The following CEP250 variants were observed in gnomAD, a reference collection of about 807,000 sequenced individuals.
CEP250 encodes centrosome-associated protein CEP250.
A neutral mutation model predicts 315.7 loss-of-function variants in CEP250; 242 were observed. That is an observed-to-expected ratio of 0.77 (90% CI 0.69 to 0.85). The LOEUF is 0.85. Among genes scored for constraint, CEP250 ranks in the 40% least tolerant of loss-of-function variants. CEP250 has a pLI of 0.00. For missense variants in CEP250, 2,515 were observed against 2,886.4 expected, an observed-to-expected ratio of 0.87 and a Z score of 2.95; for synonymous variants, 1,088 against 1,175.0, an observed-to-expected ratio of 0.93 and a Z score of 1.51.
intron 30 of CEP250, 77 bp from the exon 31 acceptor site, chr20:35,507,661 C>T (rs2064225245): frequency 4.5e-6 from 5 of 1,102,684 alleles, no homozygotes; most frequent in South Asian, 1.3e-5. Flanking sequence ...CATTGAACCG[C>T]TGTTTGTGTG....
At chr20:35,501,194 G>A (rs570328717) in intron 28 of CEP250, among the ~76,000 whole-genome samples, 9 of 152,196 alleles carry the variant, frequency 5.9e-5, no homozygotes, top group African/African-American at 1.2e-4. Context: ...AGAGTTAGCC[G>A]GGTGTGGTGG....
At position 35,496,829 on chromosome 20, in the gene CEP250, T is replaced by C; in HGVS notation, c.3306+114T>C. 7 of 1,189,410 alleles carry C rather than the reference T, an allele frequency of 5.9e-6. No individual in the cohort carries two copies. In the South Asian group the frequency reaches 1.2e-4, roughly 20 times the overall value. 73.7% of individuals were successfully genotyped at this position (1,189,410 alleles called of 1,614,324 possible). A position where few individuals can be genotyped will look rare whatever the true frequency, so the allele number is the denominator to read the frequency against. On this transcript the variant is annotated intron_variant, in intron 25 of 34. Coordinates refer to ENST00000397527, the MANE Select transcript of CEP250 (RefSeq NM_007186.6). ...AGAGGACCCATCTATTTTTCCTGAT[T>C]ACAGGATAGGCTGGTGCCTCAACAC...
At chr20:35,506,420 A>G (rs894080949) in intron 30 of CEP250, among the ~76,000 whole-genome samples, 1 of 152,140 alleles carries the variant, frequency 6.6e-6, no homozygotes, top group Non-Finnish European at 1.5e-5. Context: ...TGTCTTAGTC[A>G]CCTTTGTACC....
chr20:35,456,990 C>T (rs2062645032), intron 1 of CEP250, among the ~76,000 whole-genome samples: 1 of 152,134 alleles, frequency 6.6e-6, no homozygotes, highest in Non-Finnish European at 1.5e-5. Context: ...CCATGTTGGC[C>T]AAGCTGGTCT....
intron 21 of CEP250, 58 bp downstream of exon 21, chr20:35,490,862 C>A: frequency 6.3e-7 from 1 of 1,576,298 alleles, no homozygotes; most frequent in South Asian, 1.1e-5. Flanking sequence ...TTACCTTGAC[C>A]ACTTCCTTTT....
At chr20:35,494,311 A>G (rs1290102791) in intron 23 of CEP250, 2 of 565,286 alleles carry the variant, frequency 3.5e-6, no homozygotes, top group Admixed American at 3.2e-5. Context: ...TCTATGCAGC[A>G]TATGTGAGGC....
chr20:35,468,678 T>C (rs982787161), intron 9 of CEP250, among the ~76,000 whole-genome samples: 5 of 152,204 alleles, frequency 3.3e-5, no homozygotes, highest in African/African-American at 1.2e-4. Context: ...CAATACATTT[T>C]GTTTCTTTGT....
chr20:35,473,487 T>C lies in CEP250; in HGVS notation c.1323T>C (p.Thr441=), dbSNP rs753680934. The change falls in exon 13 of 35, where the codon ACT becomes ACC. Residue 441 remains threonine (T), a synonymous_variant. Transcript: ENST00000397527. ...TGAGACAGCGGCTGCAGAAGCTCAC[T>C]GGGGAGCGGGACACTCTGGCAGGGC... is the stretch of plus-strand genomic sequence containing the variant. The part of the protein sequence containing the change: ...KALRQRLQKL[T]GERDTLAGQT... 1.8e-5 allele frequency: 29 copies of C among 1,613,996 alleles called. No homozygotes were observed. The highest frequency in any genetic ancestry group is 6.7e-5 in the Admixed American group (4 of 59,992).
rs1270159137 is a variant in CEP250, at chr20:35,507,721, A to G, written c.6637-17A>G. ...GGTTGGCAAGGTGTGATTTTGCTCC[A>G]TACCTCCGTACCCTAGGATGAACTG... is the stretch of plus-strand genomic sequence containing the variant. On this transcript the variant is annotated splice_polypyrimidine_tract_variant and intron_variant, in intron 30 of 34. Coordinates refer to ENST00000397527, the MANE Select transcript of CEP250 (RefSeq NM_007186.6). 3.9e-6 allele frequency: 6 copies of G among 1,550,888 alleles called. No homozygotes were observed. The highest frequency in any genetic ancestry group is 3.5e-6 in the Non-Finnish European group (4 of 1,146,130).
intron 20 of CEP250, among the ~76,000 whole-genome samples, chr20:35,482,992 T>C (rs1409181928): frequency 2.0e-5 from 3 of 152,246 alleles, no homozygotes; most frequent in Admixed American, 2.0e-4. Flanking sequence ...ACCTCTTTCC[T>C]ACTGTCCTGC....
In CEP250 at chr20:35,498,544, GT is replaced by G. The variant is rs1399206899; in HGVS notation, c.3656-48del. ...GGGCTGTGTCTGGAGAGGTCTGGCT[GT>G]TTCTTTTCATAGTGGCAGCCAGGTA... On this transcript the variant is annotated intron_variant, in intron 26 of 34. Coordinates refer to ENST00000397527, the MANE Select transcript of CEP250 (RefSeq NM_007186.6). 11 of 1,598,024 alleles carry G rather than the reference GT, an allele frequency of 6.9e-6. No homozygotes were observed. In the African/African-American group the frequency reaches 1.4e-4, roughly 20 times the overall value.
At chr20:35,508,823 T>C in intron 32 of CEP250, 120 bp from the exon 33 acceptor site, 2 of 763,510 alleles carry the variant, frequency 2.6e-6, no homozygotes, top group Non-Finnish European at 4.3e-6. Context: ...AGGAGTTCTC[T>C]TCCCATGGTT....
Position 35,473,368 on chromosome 20 carries a change from C to T in CEP250, c.1210-6C>T. The T allele has an allele frequency of 6.2e-7, 1 of 1,610,364 alleles. No homozygotes were observed. Among genetic ancestry groups the T allele is most frequent in the Non-Finnish European group, 8.5e-7 (1 of 1,177,938 alleles). On this transcript the variant is annotated splice_polypyrimidine_tract_variant and splice_region_variant and intron_variant, in intron 12 of 34. Transcript: ENST00000397527. ...TCATCTGGTTTCTCTTGCTCTCTCT[C>T]CACAGGACCTAAGGCAGCAGCTTGC...
chr20:35,518,732 T>C lies in CEP250; in HGVS notation c.*7106T>C, dbSNP rs1296273662. On this transcript the variant is annotated 3_prime_UTR_variant, in exon 35 of 35. Transcript: ENST00000397527. ...GAATCTTTTAGTGAAGAAAAAGTAT[T>C]TAGAAGACAAAAATCAGGCTGAGTG... 1 of 152,140 alleles carries C rather than the reference T, an allele frequency of 6.6e-6. No homozygotes were observed. Among genetic ancestry groups the C allele is most frequent in the African/African-American group, 2.4e-5 (1 of 41,434 alleles). 9.4% of individuals were successfully genotyped at this position (152,140 alleles called of 1,614,324 possible). A position where few individuals can be genotyped will look rare whatever the true frequency, so the allele number is the denominator to read the frequency against.
In CEP250 at chr20:35,507,732, C is replaced by A; in HGVS notation, c.6637-6C>A. 6.4e-7 allele frequency: 1 copy of A among 1,552,018 alleles called. No individual in the cohort carries two copies. Among genetic ancestry groups the A allele is most frequent in the East Asian group, 2.4e-5 (1 of 40,938 alleles). On this transcript the variant is annotated splice_polypyrimidine_tract_variant and splice_region_variant and intron_variant, in intron 30 of 34. Coordinates refer to ENST00000397527, the MANE Select transcript of CEP250 (RefSeq NM_007186.6). ...TGTGATTTTGCTCCATACCTCCGTA[C>A]CCTAGGATGAACTGGAGCTCACCAG... is the stretch of plus-strand genomic sequence containing the variant.
chr20:35,509,380 G>C (rs1249436044), intron 33 of CEP250, among the ~76,000 whole-genome samples: 1 of 152,202 alleles, frequency 6.6e-6, no homozygotes, highest in Non-Finnish European at 1.5e-5. Flanking sequence ...GTGCTTGCCA[G>C]CTCCTGAGGA....
chr20:35,467,179 G>GGGGGGGGGGGCCCCCCCC, intron 8 of CEP250, 107 bp downstream of exon 8: 3 of 534,618 alleles, frequency 5.6e-6, no homozygotes, highest in East Asian at 4.6e-5. Context: ...GGTGGGTGGG[G>GGGGGGGGGGGCCCCCCCC]GAGTTGGTAG....
rs564530406 is a variant in CEP250, at chr20:35,502,278, G to T, written c.4021-112G>T. ...GTGGAATATACCACCACTTTTTTTTGCCCAAGTCCTTATCACTGCTAGTGC... is the reference window on the plus strand; with the variant it reads ...GTGGAATATACCACCACTTTTTTTTTCCCAAGTCCTTATCACTGCTAGTGC... On this transcript the variant is annotated intron_variant, in intron 29 of 34. Coordinates refer to ENST00000397527, the MANE Select transcript of CEP250 (RefSeq NM_007186.6). 2.1e-5 allele frequency: 18 copies of T among 876,974 alleles called. No individual in the cohort carries two copies. In the East Asian group the frequency reaches 2.2e-4, roughly 11 times the overall value. The allele number at this position is 876,974 out of a possible 1,614,324, so 54.3% of individuals were successfully genotyped here.
At chr20:35,499,024 C>T (rs911500336) in intron 27 of CEP250, among the ~76,000 whole-genome samples, 1 of 152,130 alleles carries the variant, frequency 6.6e-6, no homozygotes, top group Non-Finnish European at 1.5e-5. Context: ...CCTGTAATCC[C>T]AGTGCTTTGG....
Sources: allele counts gnomAD v4.1 joint callset (sites outside exome capture counted in the v4.1 genomes callset), GRCh38; gene constraint gnomAD v4.1.1; transcripts MANE v1.5; gene names NCBI Gene and HGNC (gene_info 2026-07-23, HGNC 2026-07-21).